The following EPS15 variants were observed in gnomAD, a reference collection of about 807,000 sequenced individuals.
The protein encoded by EPS15 is epidermal growth factor receptor substrate 15.
Under a neutral mutation model 113.8 loss-of-function variants are expected in EPS15, and 72 were observed. The ratio of observed to expected loss-of-function variants is 0.63; its 90% confidence interval spans 0.52 to 0.77. EPS15 has a LOEUF of 0.77. EPS15 is among the 30% of genes least tolerant of loss of function. EPS15 has a pLI of 0.00. For missense variants in EPS15, 1,048 were observed against 1,045.8 expected (o/e 1.00, Z -0.03); for synonymous variants, 344 against 363.4 (o/e 0.95, Z 0.61).
At chr1:51,391,162 T>C (rs1325920766) in intron 21 of EPS15, among the ~76,000 whole-genome samples, 2 of 152,078 alleles carry the variant, frequency 1.3e-5, no homozygotes, top group Non-Finnish European at 2.9e-5. Flanking sequence ...ATGTCCTTTG[T>C]AGGGACATGG....
At chr1:51,505,389 T>C (rs1313242030) in intron 1 of EPS15, among the ~76,000 whole-genome samples, 2 of 152,208 alleles carry the variant, frequency 1.3e-5, no homozygotes, top group African/African-American at 4.8e-5. Context: ...GCAACATAGA[T>C]AAACCACAAA....
chr1:51,508,778 T>C lies in EPS15; in HGVS notation c.33+10421A>G, dbSNP rs76368619. The stretch of plus-strand genomic sequence containing the variant: ...TCAAAGTTAAAAATTCTTCCTTTAT[T>C]ACAAAAAAAAGATAAAACAAGGAAT... On this transcript the variant is annotated intron_variant, in intron 1 of 24. Transcript: ENST00000371733. Among the ~76,000 whole-genome samples, 1,132 of 152,020 alleles carry C rather than the reference T, an allele frequency of 7.4e-3. 13 individuals are homozygous for C. The highest frequency in any genetic ancestry group is 0.026 in the African/African-American group (1,089 of 41,464).
intron 1 of EPS15, 60 bp from the exon 2 acceptor site, chr1:51,481,374 G>A: frequency 1.3e-6 from 1 of 783,408 alleles, no homozygotes; most frequent in South Asian, 1.5e-5. Context: ...TAACATATTT[G>A]GCATTCATTC....
chr1:51,381,313 C>G (rs1333566866), intron 21 of EPS15, among the ~76,000 whole-genome samples: 1 of 152,184 alleles, frequency 6.6e-6, no homozygotes. Flanking sequence ...TCTCTTCCAG[C>G]CAGGTGCGGT....
intron 2 of EPS15, among the ~76,000 whole-genome samples, chr1:51,473,435 T>C (rs531179393): frequency 4.6e-5 from 7 of 152,306 alleles, no homozygotes; most frequent in African/African-American, 7.2e-5. Flanking sequence ...ATCAAAGCAA[T>C]AGCAGCTCTA....
intron 16 of EPS15, among the ~76,000 whole-genome samples, chr1:51,404,632 C>T (rs776037681): frequency 6.6e-6 from 1 of 152,188 alleles, no homozygotes; most frequent in Non-Finnish European, 1.5e-5. Context: ...AAGTTAATCA[C>T]GTCACTTCTT....
chr1:51,483,409 G>GTA (rs1312038719), intron 1 of EPS15, among the ~76,000 whole-genome samples: 1 of 130,556 alleles, frequency 7.7e-6, no homozygotes, highest in African/African-American at 3.2e-5. Flanking sequence ...GTGTGTGTGT[G>GTA]TGTGTGTGTG....
At chr1:51,439,864 T>G (rs1227038439) in intron 12 of EPS15, among the ~76,000 whole-genome samples, 1 of 152,072 alleles carries the variant, frequency 6.6e-6, no homozygotes, top group Non-Finnish European at 1.5e-5. Flanking sequence ...TGTGTGAGGG[T>G]CAAGTAACAA....
chr1:51,464,364 C>T (rs2148503601), intron 6 of EPS15, among the ~76,000 whole-genome samples: 2 of 151,940 alleles, frequency 1.3e-5, no homozygotes, highest in African/African-American at 2.4e-5. Context: ...CTCAGCCTCC[C>T]GAGTAGCTGG....
Position 51,363,942 on chromosome 1 carries a change from C to A in EPS15, c.2283G>T (p.Ser761=), listed in dbSNP as rs147463788. The A allele has an allele frequency of 1.2e-5, 19 of 1,613,738 alleles. No homozygotes were observed. The highest frequency in any genetic ancestry group is 1.5e-5 in the Non-Finnish European group (18 of 1,179,832). ...VITKNVFEET[S]VKSEDEPPAL... is the part of the protein sequence containing the mutation. Reference sequence around the variant, plus strand: ...CTGGGGGTTCATCTTCACTTTTGACCGATGTTTCCTCAAATACATTTTTTG... The same window carrying A: ...CTGGGGGTTCATCTTCACTTTTGACAGATGTTTCCTCAAATACATTTTTTG... Residue 761 remains serine, a synonymous_variant, in exon 23 of 25, where the codon TCG becomes TCT. Transcript: ENST00000371733.
intron 21 of EPS15, among the ~76,000 whole-genome samples, chr1:51,388,399 C>G (rs557794057): frequency 1.4e-4 from 22 of 152,182 alleles, no homozygotes; most frequent in African/African-American, 5.3e-4. Context: ...CCTAACATCA[C>G]AATTAAAAGA....
intron 1 of EPS15, among the ~76,000 whole-genome samples, chr1:51,489,325 A>ATT (rs1264887251): frequency 7.1e-6 from 1 of 140,478 alleles, no homozygotes; most frequent in African/African-American, 2.6e-5. Flanking sequence ...GTATGTATGT[A>ATT]TTTTTTTTTT....
At chr1:51,441,033 T>C (rs1472860800) in intron 11 of EPS15, among the ~76,000 whole-genome samples, 4 of 152,038 alleles carry the variant, frequency 2.6e-5, no homozygotes, top group Admixed American at 2.0e-4. Flanking sequence ...GTCCATACAG[T>C]TTTCTTTCAA....
chr1:51,484,116 A>G lies in EPS15; in HGVS notation c.34-2802T>C, dbSNP rs553190340. Among the ~76,000 whole-genome samples, 17 of 152,210 alleles carry G rather than the reference A, an allele frequency of 1.1e-4. No homozygotes were observed. The South Asian group carries it at 3.5e-3, about 32-fold the overall frequency. Reference sequence around the variant, plus strand: ...ACAGAGTGAGACCCTGTCTCTCAAAAAAAAGTCAGAGTCAGGACTTAGGTG... The same window carrying G: ...ACAGAGTGAGACCCTGTCTCTCAAAGAAAAGTCAGAGTCAGGACTTAGGTG... On this transcript the variant is annotated intron_variant, in intron 1 of 24. Transcript: ENST00000371733.
rs1342583188 is a variant in EPS15 at position 51,361,248 on chromosome 1, A to G, written c.2467T>C (p.Phe823Leu). The G allele has an allele frequency of 1.9e-6, 3 of 1,613,988 alleles. No individual in the cohort carries two copies. The highest frequency in any genetic ancestry group is 8.5e-7 in the Non-Finnish European group (1 of 1,179,886). The change falls in exon 24 of 25, where the codon TTT becomes CTT. Residue 823 changes from phenylalanine to leucine, a missense_variant. By Grantham distance (22) the Phe-to-Leu change is conservative. Coordinates refer to ENST00000371733, the MANE Select transcript of EPS15 (RefSeq NM_001981.3). ...GTAGCAGAAGTGAATGGATCACAAA[A>G]TATTTCAGGATCTTTTTCTTTGGGG... ...DSPKEKDPEI[F>L]CDPFTSATTT...
intron 12 of EPS15, among the ~76,000 whole-genome samples, chr1:51,431,109 A>G (rs1039677675): frequency 2.0e-5 from 3 of 152,094 alleles, no homozygotes; most frequent in Admixed American, 6.6e-5. Context: ...AATGTCTACT[A>G]TATTCCAAAC....
chr1:51,478,779 T>C (rs1455525575), intron 2 of EPS15, among the ~76,000 whole-genome samples: 2 of 152,242 alleles, frequency 1.3e-5, no homozygotes, highest in African/African-American at 4.8e-5. Context: ...TGTTGAACAT[T>C]GGCCCCCACT....
intron 13 of EPS15, among the ~76,000 whole-genome samples, chr1:51,418,969 G>A (rs1250629037): frequency 2.6e-5 from 4 of 152,138 alleles, no homozygotes; most frequent in Non-Finnish European, 4.4e-5. Context: ...CCAGGCATAT[G>A]AGAGTGAATT....
At chr1:51,440,277 C>CTGTGTGTGTGTG (rs3040220) in intron 12 of EPS15, 70 bp downstream of exon 12, 1 of 443,958 alleles carries the variant, frequency 2.3e-6, no homozygotes, top group Admixed American at 3.4e-5. Context: ...TATACATGTA[C>CTGTGTGTGTGTG]TGTGTGTGTG....
Sources: allele counts gnomAD v4.1 joint callset (sites outside exome capture counted in the v4.1 genomes callset), GRCh38; gene constraint gnomAD v4.1.1; transcripts MANE v1.5; gene names NCBI Gene and HGNC (gene_info 2026-07-23, HGNC 2026-07-21).